The following CNTNAP4 variants were observed in gnomAD, a reference collection of about 807,000 sequenced individuals.
CNTNAP4 encodes contactin-associated protein-like 4.
In CNTNAP4, 98 loss-of-function variants were observed where a neutral mutation model predicts 148.4. That is an observed-to-expected ratio of 0.66 (90% confidence interval 0.56 to 0.78). The LOEUF (loss-of-function observed/expected upper bound fraction) is 0.78, where lower values mean the gene tolerates loss of function less well. CNTNAP4 is among the 30% of genes least tolerant of loss of function. The pLI is 0.00. For synonymous variants in CNTNAP4, 730 were observed against 565.1 expected (o/e 1.29, Z -4.14); for missense variants, 1,935 against 1,565.6 (o/e 1.24, Z -3.98).
intron 3 of CNTNAP4, among the ~76,000 whole-genome samples, chr16:76,414,156 T>C (rs2078898174): frequency 6.6e-6 from 1 of 151,346 alleles, no homozygotes; most frequent in Non-Finnish European, 1.5e-5. Flanking sequence ...TCTCAGCATT[T>C]CCTATAATGT....
intron 15 of CNTNAP4, among the ~76,000 whole-genome samples, chr16:76,516,897 C>T (rs1458305431): frequency 6.6e-6 from 1 of 152,112 alleles, no homozygotes; most frequent in Admixed American, 6.6e-5. Flanking sequence ...AACCCTGTCT[C>T]TACTAAAAAC....
rs182146790 is a variant in CNTNAP4 at position 76,430,867 on chromosome 16, C to T, written c.538+3268C>T. Among the ~76,000 whole-genome samples, 1,400 of 152,278 alleles carry T rather than the reference C, an allele frequency of 9.2e-3. 13 individuals are homozygous for T. Among genetic ancestry groups the T allele is most frequent in the Non-Finnish European group, 0.016 (1,087 of 68,026 alleles). On this transcript the variant is annotated intron_variant, in intron 4 of 23. Coordinates refer to ENST00000611870, the MANE Select transcript of CNTNAP4 (RefSeq NM_033401.5). ...ATCTAGGATTTAAAATCAGCTGTCTCATTTTCCTAAGCCAGTGCCCTTGAT... is the reference window on the plus strand; with the variant it reads ...ATCTAGGATTTAAAATCAGCTGTCTTATTTTCCTAAGCCAGTGCCCTTGAT...
Position 76,427,442 on chromosome 16 carries a change from T to G in CNTNAP4, c.391-10T>G. On this transcript the variant is annotated splice_polypyrimidine_tract_variant and intron_variant, in intron 3 of 23. Coordinates refer to ENST00000611870, the MANE Select transcript of CNTNAP4 (RefSeq NM_033401.5). ...GATACATTGATGTGCTTCTTTCCCT[T>G]TTCTTTTAGGGTTTTTCAGGAAATG... The G allele has an allele frequency of 6.3e-7, 1 of 1,599,882 alleles. No homozygotes were observed. Among genetic ancestry groups the G allele is most frequent in the Non-Finnish European group, 8.5e-7 (1 of 1,173,704 alleles).
chr16:76,464,169 T>A (rs1271275028), intron 9 of CNTNAP4, among the ~76,000 whole-genome samples: 3 of 152,174 alleles, frequency 2.0e-5, no homozygotes, highest in Admixed American at 2.0e-4. Context: ...AGGCGATCCA[T>A]CTTCCAAGAA....
chr16:76,431,610 T>A (rs2079607645), intron 4 of CNTNAP4, among the ~76,000 whole-genome samples: 1 of 151,994 alleles, frequency 6.6e-6, no homozygotes. Context: ...ACCCAGGAAG[T>A]GGAGGTTGCA....
chr16:76,537,936 A>T (rs2084280955), intron 18 of CNTNAP4, among the ~76,000 whole-genome samples, 180 bp from the exon 19 acceptor site: 2 of 152,132 alleles, frequency 1.3e-5, no homozygotes, highest in South Asian at 2.1e-4. Context: ...TTTTAACAGA[A>T]AGCCATTTCA....
intron 3 of CNTNAP4, among the ~76,000 whole-genome samples, chr16:76,356,972 A>G (rs2012739487): frequency 6.6e-6 from 1 of 152,052 alleles, no homozygotes; most frequent in East Asian, 1.9e-4. Context: ...GAAGTTGCCT[A>G]TAAGCAGTTT....
chr16:76,558,801 A>G lies in CNTNAP4; in HGVS notation c.*118A>G, dbSNP rs948727628. 3 of 722,410 alleles carry G rather than the reference A, an allele frequency of 4.2e-6. No individual in the cohort carries two copies. The highest frequency in any genetic ancestry group is 1.8e-5 in the African/African-American group (1 of 55,534). The allele number at this position is 722,410 out of a possible 1,614,324, so 44.8% of individuals were successfully genotyped here. The stretch of plus-strand genomic sequence containing the variant: ...CAGGCAGTGGGCTTGCAGCACTGCC[A>G]TCTTGCCATGTACAGGCTTGGGGTG... On this transcript the variant is annotated 3_prime_UTR_variant, in exon 24 of 24. Coordinates refer to ENST00000611870, the MANE Select transcript of CNTNAP4 (RefSeq NM_033401.5).
chr16:76,390,995 T>C (rs531263152), intron 3 of CNTNAP4, among the ~76,000 whole-genome samples: 2 of 152,302 alleles, frequency 1.3e-5, no homozygotes, highest in East Asian at 3.9e-4. Context: ...CAAGCACTTA[T>C]CCTTTGAGTC....
At chr16:76,327,500 C>T (rs1963109841) in intron 2 of CNTNAP4, among the ~76,000 whole-genome samples, 1 of 152,122 alleles carries the variant, frequency 6.6e-6, no homozygotes, top group Non-Finnish European at 1.5e-5. Context: ...TTGTGACCAG[C>T]TCTGTGATAT....
At chr16:76,536,386 G>C (rs1170397177) in intron 18 of CNTNAP4, among the ~76,000 whole-genome samples, 1 of 151,974 alleles carries the variant, frequency 6.6e-6, no homozygotes, top group African/African-American at 2.4e-5. Context: ...AGTAGAGATA[G>C]TGTTTCACCA....
In CNTNAP4 at chr16:76,446,775, A is replaced by G. The variant is rs527684774; in HGVS notation, c.539-1237A>G. ...CAAAGATCAGTTTAATGTGTACTCA[A>G]GGCGGCATTTGATGAGTCTATGCTA... On this transcript the variant is annotated intron_variant, in intron 4 of 23. Transcript: ENST00000611870. Among the ~76,000 whole-genome samples, 13 of 152,308 alleles carry G rather than the reference A, an allele frequency of 8.5e-5. No homozygotes were observed. The South Asian group carries it at 2.7e-3, about 32-fold the overall frequency.
chr16:76,309,767 G>A, intron 1 of CNTNAP4: 6 of 685,902 alleles, frequency 8.7e-6, no homozygotes, highest in East Asian at 5.4e-5. Flanking sequence ...GGGGTGGTCC[G>A]GGCTTTCCCG....
intron 4 of CNTNAP4, among the ~76,000 whole-genome samples, chr16:76,430,659 T>C (rs2079573627): frequency 6.6e-6 from 1 of 152,196 alleles, no homozygotes; most frequent in South Asian, 2.1e-4. Flanking sequence ...TGCATGCAAC[T>C]GGCCATCCTC....
intron 1 of CNTNAP4, among the ~76,000 whole-genome samples, chr16:76,282,668 T>C (rs1958730817): frequency 6.6e-6 from 1 of 151,980 alleles, no homozygotes; most frequent in Non-Finnish European, 1.5e-5. Context: ...GCTCATGATA[T>C]TTAAGCAAGT....
At chr16:76,527,739 T>G (rs1054606886) in intron 17 of CNTNAP4, among the ~76,000 whole-genome samples, 1 of 152,190 alleles carries the variant, frequency 6.6e-6, no homozygotes, top group African/African-American at 2.4e-5. Context: ...TATAGTAGAT[T>G]TGTCACAAAA....
At chr16:76,460,474 A>T (rs2080898268) in intron 8 of CNTNAP4, among the ~76,000 whole-genome samples, 2 of 148,958 alleles carry the variant, frequency 1.3e-5, no homozygotes, top group South Asian at 4.5e-4. Context: ...ATAAGAATAT[A>T]GTTAGGGCCA....
chr16:76,553,350 A>G lies in CNTNAP4; in HGVS notation c.3510A>G (p.Ala1170=). 1 of 1,612,914 alleles carries G rather than the reference A, an allele frequency of 6.2e-7. No homozygotes were observed. Among genetic ancestry groups the G allele is most frequent in the Admixed American group, 1.7e-5 (1 of 59,928 alleles). Reference sequence around the variant, plus strand: ...AGGGCTTCACAGGCTGCCTCTCTGCAGTGCAGCTCAGCCACGTGGCCCCTC... The same window carrying G: ...AGGGCTTCACAGGCTGCCTCTCTGCGGTGCAGCTCAGCCACGTGGCCCCTC... The part of the protein sequence containing the change: ...GAQGFTGCLS[A]VQLSHVAPLK... The change falls in exon 22 of 24, where the codon GCA becomes GCG. Residue 1170 remains alanine (A), a synonymous_variant. Transcript: ENST00000611870.
In CNTNAP4 at chr16:76,491,729, AGAAG is replaced by A. The variant is rs2082229402; in HGVS notation, c.2080+1848_2080+1851del. The stretch of plus-strand genomic sequence containing the variant: ...CATTTATGTGGAAAAGAGAGATAAA[AGAAG>A]GTCATGCAGTATATGTCTTTCAGTG... On this transcript the variant is annotated intron_variant, in intron 13 of 23. Transcript: ENST00000611870. 1.1e-4 allele frequency among the ~76,000 whole-genome samples: 16 copies of A among 152,336 alleles called. No homozygotes were observed. The South Asian group carries it at 3.3e-3, about 32-fold the overall frequency.
Sources: gnomAD v4.1 joint callset for allele counts (sites outside exome capture counted in the v4.1 genomes callset) on GRCh38, gnomAD v4.1.1 for gene constraint, MANE v1.5 for transcripts, NCBI Gene and HGNC (gene_info 2026-07-23, HGNC 2026-07-21) for gene names.